The following FRK variants were observed in gnomAD, a reference collection of about 807,000 sequenced individuals.
FRK encodes the protein tyrosine-protein kinase FRK.
A neutral mutation model predicts 56.4 loss-of-function variants in FRK; 51 were observed. That is an observed-to-expected ratio of 0.90 (90% confidence interval 0.72 to 1.14). The LOEUF (loss-of-function observed/expected upper bound fraction) is 1.14. Among genes scored for constraint, FRK ranks in the 50% most tolerant of loss-of-function variants. The pLI is 0.00. For missense variants in FRK, 570 were observed against 601.4 expected (o/e 0.95, Z 0.55); for synonymous variants, 245 against 217.9 (o/e 1.12, Z -1.10).
intron 4 of FRK, among the ~76,000 whole-genome samples, chr6:115,958,684 GAAAGAAAGAAAGAAAGAAA>G (rs1773142277): frequency 1.6e-4 from 1 of 6,408 alleles, no homozygotes; most frequent in African/African-American, 6.4e-4. Context: ...AAGAAAGAAA[GAAAGAAAGAAAGAAAGAAA>G]GAAGAAAGAA....
upstream of FRK, among the ~76,000 whole-genome samples, chr6:116,063,535 G>A (rs1777690944): frequency 6.6e-6 from 1 of 152,066 alleles, no homozygotes; most frequent in African/African-American, 2.4e-5. Flanking sequence ...GCAGAGAGCA[G>A]AATGGTGGTT....
chr6:116,000,308 C>T (rs1775015540), intron 2 of FRK, among the ~76,000 whole-genome samples: 1 of 131,778 alleles, frequency 7.6e-6, no homozygotes, highest in Non-Finnish European at 1.5e-5. Context: ...AATGGCGTGA[C>T]CTCTGCTCAC....
chr6:115,976,814 G>T (rs1465619945), intron 2 of FRK, among the ~76,000 whole-genome samples: 1 of 152,050 alleles, frequency 6.6e-6, no homozygotes, highest in African/African-American at 2.4e-5. Flanking sequence ...TGTTCACAAA[G>T]GATGATAGAT....
In FRK at chr6:115,956,554, G is replaced by A. The variant is rs369393469; in HGVS notation, c.856C>T (p.His286Tyr). 8 of 1,591,800 alleles carry A rather than the reference G, an allele frequency of 5.0e-6. No homozygotes were observed. The highest frequency in any genetic ancestry group is 6.8e-6 in the Non-Finnish European group (8 of 1,169,564). Reference protein sequence around the residue: ...REAQIMKNLRHPKLIQLYAVC... With the variant: ...REAQIMKNLRYPKLIQLYAVC... ...GCATAAAGCTGGATAAGCTTTGGAT[G>A]TCTTAGGTTCTTCATTATCTGTGCC... is the stretch of plus-strand genomic sequence containing the variant. The change falls in exon 5 of 8, where the codon CAT becomes TAT. Residue 286 changes from histidine to tyrosine, a missense_variant. By Grantham distance (83) the His-to-Tyr change is moderately conservative. Coordinates refer to ENST00000606080, the MANE Select transcript of FRK (RefSeq NM_002031.3).
At chr6:116,068,679 C>G in the FRK span, among the ~76,000 whole-genome samples, 3 of 152,058 alleles carry the variant, frequency 2.0e-5, no homozygotes, top group Non-Finnish European at 4.4e-5. Flanking sequence ...CTCTCCTAAA[C>G]AGAAGGTGTG....
At chr6:116,099,819 C>T in the FRK span, among the ~76,000 whole-genome samples, 1 of 152,280 alleles carries the variant, frequency 6.6e-6, no homozygotes, top group East Asian at 1.9e-4. Flanking sequence ...ATTGATTTGT[C>T]CCATTAGACA....
At chr6:115,983,071 CAA>C (rs34441668) in intron 2 of FRK, among the ~76,000 whole-genome samples, 65 of 143,446 alleles carry the variant, frequency 4.5e-4, no homozygotes, top group Admixed American at 6.1e-4. Flanking sequence ...GACTCTATCT[CAA>C]AAAAAAAAAA....
chr6:115,958,454 C>T (rs1194013129), intron 4 of FRK, among the ~76,000 whole-genome samples: 2 of 151,832 alleles, frequency 1.3e-5, no homozygotes, highest in Non-Finnish European at 2.9e-5. Flanking sequence ...ATGGTGAAAC[C>T]ATGTCTCTAC....
Position 116,060,188 on chromosome 6 carries a change from T to A in FRK, c.124A>T (p.Arg42Trp). The change falls in exon 1 of 8, where the codon AGG becomes TGG. Residue 42 changes from arginine to tryptophan, a missense_variant. By Grantham distance (101) the Arg-to-Trp change is moderately radical (BLOSUM62 -3). Coordinates refer to ENST00000606080, the MANE Select transcript of FRK (RefSeq NM_002031.3). ...PGALCSPQSQ[R>W]HGHYFVALFD... is the part of the protein sequence containing the mutation. ...AAAGCCACAAAGTAGTGGCCATGCCTCTGTGACTGGGGAGAGCAAAGGGCC... is the reference window on the plus strand; with the variant it reads ...AAAGCCACAAAGTAGTGGCCATGCCACTGTGACTGGGGAGAGCAAAGGGCC... The A allele has an allele frequency of 1.2e-6, 2 of 1,614,172 alleles. No individual in the cohort carries two copies. The highest frequency in any genetic ancestry group is 1.7e-6 in the Non-Finnish European group (2 of 1,180,030).
Position 115,967,730 on chromosome 6 carries a change from G to T in FRK, c.631-11C>A. 2 of 1,506,664 alleles carry T rather than the reference G, an allele frequency of 1.3e-6. No individual in the cohort carries two copies. The highest frequency in any genetic ancestry group is 1.8e-6 in the Non-Finnish European group (2 of 1,124,900). 93.3% of individuals were successfully genotyped at this position (1,506,664 alleles called of 1,614,324 possible). On this transcript the variant is annotated splice_polypyrimidine_tract_variant and intron_variant, in intron 3 of 7. Transcript: ENST00000606080. ...AGCTGGGACCTGGATCTGTTTCATA[G>T]AATAATAAGAGCAATTGTTAAAAAA...
chr6:116,010,762 A>G (rs1255081344), intron 1 of FRK, among the ~76,000 whole-genome samples: 2 of 152,218 alleles, frequency 1.3e-5, no homozygotes, highest in Admixed American at 6.5e-5. Flanking sequence ...TGCTGCATGT[A>G]AAGTGCTTTA....
At chr6:116,091,630 G>A in the FRK span, among the ~76,000 whole-genome samples, 1 of 152,144 alleles carries the variant, frequency 6.6e-6, no homozygotes, top group African/African-American at 2.4e-5. Context: ...CCTTTCGCTT[G>A]CTATTCTGTC....
At chr6:116,058,254 G>T (rs1777470550) in intron 1 of FRK, among the ~76,000 whole-genome samples, 1 of 152,122 alleles carries the variant, frequency 6.6e-6, no homozygotes, top group Non-Finnish European at 1.5e-5. Context: ...AATATATAAA[G>T]ATATTTCCTG....
chr6:116,044,168 T>A (rs896631115), intron 1 of FRK, among the ~76,000 whole-genome samples: 1 of 152,204 alleles, frequency 6.6e-6, no homozygotes, highest in African/African-American at 2.4e-5. Flanking sequence ...AAAGAGAAGC[T>A]GGTACCATTC....
At chr6:116,032,490 T>C (rs1221834820) in intron 1 of FRK, among the ~76,000 whole-genome samples, 1 of 152,098 alleles carries the variant, frequency 6.6e-6, no homozygotes, top group Non-Finnish European at 1.5e-5. Context: ...CATGGCAGGT[T>C]TAATAAGTTT....
At chr6:116,069,865 C>A in the FRK span, among the ~76,000 whole-genome samples, 2 of 152,086 alleles carry the variant, frequency 1.3e-5, no homozygotes, top group African/African-American at 4.8e-5. Context: ...TTCAGTAGAT[C>A]TGGAGTGAAG....
At chr6:116,075,663 T>A in the FRK span, among the ~76,000 whole-genome samples, 1 of 152,114 alleles carries the variant, frequency 6.6e-6, no homozygotes, top group South Asian at 2.1e-4. Flanking sequence ...GGCTCTGTTT[T>A]TAACAATAAA....
Position 115,935,720 on chromosome 6 carries a change from C to G in FRK, c.*6694G>C, listed in dbSNP as rs906782161. Reference sequence around the variant, plus strand: ...AGGCATTTTACCCTCACAGTCTAAACAAAGCTGCCTGGGAGTTCGAATTGG... The same window carrying G: ...AGGCATTTTACCCTCACAGTCTAAAGAAAGCTGCCTGGGAGTTCGAATTGG... On this transcript the variant is annotated 3_prime_UTR_variant, in exon 8 of 8. Coordinates refer to ENST00000606080, the MANE Select transcript of FRK (RefSeq NM_002031.3). 1 of 152,300 alleles carries G rather than the reference C, an allele frequency of 6.6e-6. No individual in the cohort carries two copies. Among genetic ancestry groups the G allele is most frequent in the African/African-American group, 2.4e-5 (1 of 41,456 alleles). The allele number at this position is 152,300 out of a possible 1,614,324, so 9.4% of individuals were successfully genotyped here.
At chr6:116,089,485 C>T in the FRK span, among the ~76,000 whole-genome samples, 36 of 152,262 alleles carry the variant, frequency 2.4e-4, no homozygotes, top group African/African-American at 8.7e-4. Context: ...GCTTGAATAA[C>T]GGACATGTAT....
Sources: allele counts gnomAD v4.1 joint callset (sites outside exome capture counted in the v4.1 genomes callset), GRCh38; gene constraint gnomAD v4.1.1; transcripts MANE v1.5; gene names NCBI Gene and HGNC (gene_info 2026-07-23, HGNC 2026-07-21).